The following JMJD6 variants were observed in gnomAD, a reference collection of about 807,000 sequenced individuals.
JMJD6 encodes jumonji domain containing 6, arginine demethylase and lysine hydroxylase.
In JMJD6, 17 loss-of-function variants were observed where a neutral mutation model predicts 45.8. The ratio of observed to expected loss-of-function variants is 0.37; its 90% CI spans 0.25 to 0.56. The LOEUF is 0.56. JMJD6 is among the 20% of genes least tolerant of loss of function. The pLI, the probability that JMJD6 is intolerant of heterozygous loss-of-function variation, is 0.79. For missense variants in JMJD6, 470 were observed against 517.5 expected (o/e 0.91, Z 0.89); for synonymous variants, 221 against 196.3 (o/e 1.13, Z -1.05).
At position 76,718,728 on chromosome 17, in the gene JMJD6, G is replaced by A. The variant is rs781268877; in HGVS notation, c.*1C>T. Reference sequence around the variant, plus strand: ...TCCATACAGACAACAGCCTTGCTGGGTCACCTGGAGGAGCTGCGCTCTTTG... The same window carrying A: ...TCCATACAGACAACAGCCTTGCTGGATCACCTGGAGGAGCTGCGCTCTTTG... On this transcript the variant is annotated 3_prime_UTR_variant, in exon 6 of 6. Transcript: ENST00000397625. 1 of 1,613,868 alleles carries A rather than the reference G, an allele frequency of 6.2e-7. No homozygotes were observed. The highest frequency in any genetic ancestry group is 2.2e-5 in the East Asian group (1 of 44,880).
chr17:76,719,002 A>C, intron 5 of JMJD6, 142 bp from the exon 6 acceptor site: 1 of 787,472 alleles, frequency 1.3e-6, no homozygotes, highest in Non-Finnish European at 2.0e-6. Context: ...CAGCTCCACA[A>C]TGTAGCCTTC....
At chr17:76,722,179 G>A (rs2076833838) in intron 3 of JMJD6, among the ~76,000 whole-genome samples, 1 of 152,214 alleles carries the variant, frequency 6.6e-6, no homozygotes. Flanking sequence ...CAAGGCCAGA[G>A]TTGAGCAGTT....
At chr17:76,718,322 A>G (rs2076782779), downstream of JMJD6, 1 of 559,014 alleles carries the variant, frequency 1.8e-6, no homozygotes, top group Non-Finnish European at 2.5e-6. Flanking sequence ...GGCTCTCCCT[A>G]CGCTGCTGGG....
chr17:76,716,568 G>T, downstream of JMJD6: 1 of 914,216 alleles, frequency 1.1e-6, no homozygotes, highest in South Asian at 1.4e-5. Flanking sequence ...ACCAGGGAAG[G>T]AATATCCAAA....
chr17:76,721,599 C>T (rs2076825064), intron 4 of JMJD6, among the ~76,000 whole-genome samples, 199 bp downstream of exon 4: 1 of 152,188 alleles, frequency 6.6e-6, no homozygotes, highest in Non-Finnish European at 1.5e-5. Context: ...GAGTCTCACC[C>T]TGCCACCTCG....
Position 76,723,925 on chromosome 17 carries a change from T to A in JMJD6, c.652A>T (p.Ile218Phe), listed in dbSNP as rs772795555. The A allele has an allele frequency of 3.7e-6, 6 of 1,614,104 alleles. No homozygotes were observed. The highest frequency in any genetic ancestry group is 4.5e-5 in the East Asian group (2 of 44,890). The change falls in exon 3 of 6, where the codon ATC becomes TTC. Residue 218 changes from isoleucine to phenylalanine, a missense_variant. Physicochemically the swap from Ile to Phe is conservative, Grantham distance 21. This residue lies in a region of JMJD6 where 346 missense variants were observed against 339.5 expected (regional missense o/e 1.02). Transcript: ENST00000397625. ...CCTCCTTCGTCTCGGGTCACTTTGA[T>A]GAGTTCCCTGGGAGTGCTGGTAGGA... The part of the protein sequence containing the change: ...LFPTSTPREL[I>F]KVTRDEGGNQ...
chr17:76,721,016 AAACTG>A (rs1357468152), intron 4 of JMJD6, among the ~76,000 whole-genome samples: 2 of 152,222 alleles, frequency 1.3e-5, no homozygotes, highest in Admixed American at 1.3e-4. Context: ...TGGGAGCGTA[AAACTG>A]AACTGAAGAG....
chr17:76,724,448 C>T (rs756969701), intron 2 of JMJD6, among the ~76,000 whole-genome samples: 2 of 152,018 alleles, frequency 1.3e-5, no homozygotes, highest in Middle Eastern at 3.4e-3. Context: ...GATATGTCAT[C>T]TTTATTTCAG....
In JMJD6 at chr17:76,725,469, G is replaced by A. The variant is rs370535475; in HGVS notation, c.516C>T (p.Tyr172=). Residue 172 remains tyrosine (Y), a splice_region_variant and synonymous_variant, in exon 2 of 6, where the codon TAC becomes TAT. Coordinates refer to ENST00000397625, the MANE Select transcript of JMJD6 (RefSeq NM_015167.3). ...QYAGEKRRPP[Y]RWFVMGPPRS... Reference sequence around the variant, plus strand: ...CACTTAGCTGCAGAATACTTTACCTGTAAGGGGGCCTGCGCTTCTCCCCAG... The same window carrying A: ...CACTTAGCTGCAGAATACTTTACCTATAAGGGGGCCTGCGCTTCTCCCCAG... 5 of 1,594,412 alleles carry A rather than the reference G, an allele frequency of 3.1e-6. No homozygotes were observed. Among genetic ancestry groups the A allele is most frequent in the East Asian group, 4.5e-5 (2 of 44,636 alleles).
intron 3 of JMJD6, among the ~76,000 whole-genome samples, chr17:76,723,466 A>G (rs1271267404): frequency 1.4e-5 from 2 of 145,418 alleles, no homozygotes; most frequent in Non-Finnish European, 3.0e-5. Context: ...TTTGAGATGG[A>G]GTCTTACTCT....
chr17:76,725,973 G>A (rs2076918392), intron 1 of JMJD6, 118 bp from the exon 2 acceptor site: 6 of 1,292,708 alleles, frequency 4.6e-6, no homozygotes, highest in Non-Finnish European at 6.2e-6. Context: ...CTCTCGTCTG[G>A]CTCCTCCGGG....
downstream of JMJD6, chr17:76,716,575 C>CA (rs1489898439): frequency 3.0e-6 from 3 of 1,008,174 alleles, no homozygotes; most frequent in African/African-American, 1.6e-5. Context: ...AAGGAATATC[C>CA]AAATTCAAAG....
At chr17:76,721,650 CCT>C (rs2143728605) in intron 4 of JMJD6, 146 bp downstream of exon 4, 2 of 842,110 alleles carry the variant, frequency 2.4e-6, no homozygotes, top group Admixed American at 2.7e-5. Context: ...GACCTTGGCC[CCT>C]CTCTCCTCTA....
At chr17:76,720,130 A>G (rs1000937872) in intron 5 of JMJD6, among the ~76,000 whole-genome samples, 1 of 152,228 alleles carries the variant, frequency 6.6e-6, no homozygotes, top group East Asian at 1.9e-4. Flanking sequence ...GGGCAACAAG[A>G]GCGAAACTCA....
downstream of JMJD6, among the ~76,000 whole-genome samples, chr17:76,718,120 G>A (rs962648482): frequency 1.4e-5 from 2 of 141,622 alleles, no homozygotes; most frequent in Non-Finnish European, 3.0e-5. Context: ...CCATGATCAC[G>A]CCACTGCACT....
intron 3 of JMJD6, among the ~76,000 whole-genome samples, chr17:76,723,252 C>T (rs1598379322): frequency 1.3e-5 from 2 of 152,070 alleles, no homozygotes; most frequent in East Asian, 3.9e-4. Context: ...GGCCTGCATA[C>T]AGTTTATCAG....
downstream of JMJD6, chr17:76,718,335 G>C (rs1051542878): frequency 1.7e-5 from 12 of 706,030 alleles, no homozygotes; most frequent in Non-Finnish European, 2.3e-5. Context: ...CTGCTGGGAC[G>C]ACGACTCTGT....
In JMJD6 at chr17:76,718,667, C is replaced by G. The variant is rs540114078; in HGVS notation, c.*62G>C. The G allele has an allele frequency of 5.1e-6, 8 of 1,579,034 alleles. No homozygotes were observed. In the Admixed American group the frequency reaches 1.4e-4, roughly 28 times the overall value. On this transcript the variant is annotated 3_prime_UTR_variant, in exon 6 of 6. Transcript: ENST00000397625. ...TTGTCTGCAGGACTGGACAGGCCAC[C>G]CTCCCCAGGCCCTGCCCTTGCCGCG... is the stretch of plus-strand genomic sequence containing the variant.
rs750848447 is a variant in JMJD6, at chr17:76,726,394, G to A, written c.82C>T (p.Arg28Trp). The stretch of plus-strand genomic sequence containing the variant: ...GAGAAGCTCTCGTAGTAGTTGTGCC[G>A]GGTCCAATCCAGCGAGTCCTTGAGC... ...PELKDSLDWT[R>W]HNYYESFSLS... is the part of the protein sequence containing the mutation. The change falls in exon 1 of 6, where the codon CGG (arginine) becomes TGG (tryptophan). Residue 28 changes from arginine to tryptophan, a missense_variant. Physicochemically the swap from Arg to Trp is moderately radical, Grantham distance 101. This residue lies in a region of JMJD6 where 346 missense variants were observed against 339.5 expected (regional missense o/e 1.02). Transcript: ENST00000397625. 2.5e-6 allele frequency: 4 copies of A among 1,605,024 alleles called. No homozygotes were observed. The highest frequency in any genetic ancestry group is 1.7e-5 in the Admixed American group (1 of 59,540).
Sources: allele counts gnomAD v4.1 joint callset (sites outside exome capture counted in the v4.1 genomes callset), GRCh38; gene constraint gnomAD v4.1.1; regional missense constraint gnomAD v4.1.1; transcripts MANE v1.5; gene names NCBI Gene and HGNC (gene_info 2026-07-23, HGNC 2026-07-21).